Variants in UBE2L3 observed in about 807,000 individuals in gnomAD.
UBE2L3 encodes ubiquitin conjugating enzyme E2 L3.
A neutral mutation model predicts 17.8 loss-of-function variants in UBE2L3; 1 was observed. The ratio of observed to expected loss-of-function variants is 0.06; its 90% CI spans 0.02 to 0.27. The LOEUF is 0.27. Ranked by LOEUF, UBE2L3 falls within the 10% of genes least tolerant of loss-of-function variation. The pLI is 1.00. For synonymous variants in UBE2L3, 44 were observed against 68.5 expected (o/e 0.64, Z 1.76); for missense variants, 40 against 192.6 (o/e 0.21, Z 4.69).
intron 3 of UBE2L3, among the ~76,000 whole-genome samples, chr22:21,611,626 C>T (rs146183014): frequency 1.3e-5 from 2 of 152,284 alleles, no homozygotes; most frequent in African/African-American, 2.4e-5. Context: ...GTGCGTGGTG[C>T]ACATGTCTGT....
chr22:21,622,935 C>T lies in UBE2L3; in HGVS notation c.*1266C>T, dbSNP rs1930114407. The T allele has an allele frequency of 6.6e-6, 1 of 152,646 alleles. No homozygotes were observed. Among genetic ancestry groups the T allele is most frequent in the Admixed American group, 6.5e-5 (1 of 15,268 alleles). 9.5% of individuals were successfully genotyped at this position (152,646 alleles called of 1,614,324 possible). A position where few individuals can be genotyped will look rare whatever the true frequency, so the allele number is the denominator to read the frequency against. ...AATAAAAATTGACCTTAGAATTTATCGTCAGATAAACTTGTAAAGATTTGA... is the reference window on the plus strand; with the variant it reads ...AATAAAAATTGACCTTAGAATTTATTGTCAGATAAACTTGTAAAGATTTGA... On this transcript the variant is annotated 3_prime_UTR_variant, in exon 4 of 4. Coordinates refer to ENST00000342192, the MANE Select transcript of UBE2L3 (RefSeq NM_003347.4).
chr22:21,612,626 AT>A (rs1050225437), intron 3 of UBE2L3, among the ~76,000 whole-genome samples: 5 of 66,446 alleles, frequency 7.5e-5, no homozygotes, highest in Non-Finnish European at 1.6e-4. Context: ...CACCCAGCCG[AT>A]TTTTTCTTTT....
intron 3 of UBE2L3, among the ~76,000 whole-genome samples, chr22:21,620,947 A>C (rs1287817892): frequency 6.6e-6 from 1 of 152,184 alleles, no homozygotes; most frequent in Non-Finnish European, 1.5e-5. Context: ...CCCTGTGTGC[A>C]TGCATGAGAG....
intron 1 of UBE2L3, among the ~76,000 whole-genome samples, chr22:21,577,523 G>A (rs1049732816): frequency 1.3e-5 from 2 of 152,214 alleles, no homozygotes; most frequent in Non-Finnish European, 2.9e-5. Context: ...CTGTGTGAGG[G>A]ATCTTGGAAA....
At position 21,623,667 on chromosome 22, in the gene UBE2L3, C is replaced by T. The variant is rs1930163459; in HGVS notation, c.*1998C>T. 6.5e-6 allele frequency: 1 copy of T among 152,912 alleles called. No individual in the cohort carries two copies. Among genetic ancestry groups the T allele is most frequent in the Non-Finnish European group, 1.5e-5 (1 of 68,128 alleles). The allele number at this position is 152,912 out of a possible 1,614,324, so 9.5% of individuals were successfully genotyped here. On this transcript the variant is annotated 3_prime_UTR_variant, in exon 4 of 4. Coordinates refer to ENST00000342192, the MANE Select transcript of UBE2L3 (RefSeq NM_003347.4). ...CGGCAGCCCCTCAGGGACTCTCAGC[C>T]CTGGCACTGGCACCCCAGGGTTGGC...
At chr22:21,561,639 T>C (rs1222980803) in intron 1 of UBE2L3, among the ~76,000 whole-genome samples, 3 of 151,838 alleles carry the variant, frequency 2.0e-5, no homozygotes, top group African/African-American at 7.3e-5. Flanking sequence ...GGGAGCATGA[T>C]AAATTGAGTC....
intron 2 of UBE2L3, among the ~76,000 whole-genome samples, chr22:21,595,416 C>G (rs1928459444): frequency 6.6e-6 from 1 of 152,200 alleles, no homozygotes; most frequent in African/African-American, 2.4e-5. Flanking sequence ...GCATGGGAAT[C>G]TACTATACAA....
chr22:21,613,221 A>T (rs1428574987), intron 3 of UBE2L3, among the ~76,000 whole-genome samples: 2 of 152,134 alleles, frequency 1.3e-5, no homozygotes. Context: ...GCCACCTCTC[A>T]TGGGGCTGCT....
At chr22:21,567,713 C>T (rs1321715432), upstream of UBE2L3, 2 of 1,573,654 alleles carry the variant, frequency 1.3e-6, no homozygotes, top group African/African-American at 1.3e-5. Flanking sequence ...GGCCGCGATG[C>T]ATTCTGGGGA....
intron 3 of UBE2L3, among the ~76,000 whole-genome samples, chr22:21,617,748 A>G (rs1226884085): frequency 1.3e-5 from 2 of 152,232 alleles, no homozygotes; most frequent in Non-Finnish European, 2.9e-5. Context: ...AAAGCAGACA[A>G]TCTGTCAGGT....
chr22:21,620,548 T>A (rs988398462), intron 3 of UBE2L3, among the ~76,000 whole-genome samples: 1 of 151,986 alleles, frequency 6.6e-6, no homozygotes, highest in Non-Finnish European at 1.5e-5. Flanking sequence ...TGTGGCAAAG[T>A]ATGTGAGGAG....
At chr22:21,567,202 C>T (rs1926669729), upstream of UBE2L3, among the ~76,000 whole-genome samples, 1 of 152,020 alleles carries the variant, frequency 6.6e-6, no homozygotes, top group Non-Finnish European at 1.5e-5. Context: ...CTTCCTCTGT[C>T]ACCCAGGCTG....
At chr22:21,570,061 A>G (rs1435196571) in intron 1 of UBE2L3, among the ~76,000 whole-genome samples, 1 of 152,168 alleles carries the variant, frequency 6.6e-6, no homozygotes, top group Admixed American at 6.6e-5. Flanking sequence ...ATCCCCCTTC[A>G]GAATGTGTTG....
At chr22:21,605,295 G>A (rs1394375684) in intron 2 of UBE2L3, among the ~76,000 whole-genome samples, 2 of 152,120 alleles carry the variant, frequency 1.3e-5, no homozygotes, top group Non-Finnish European at 2.9e-5. Context: ...TTGGCTCACT[G>A]CAGCCGGTGC....
intron 1 of UBE2L3, among the ~76,000 whole-genome samples, chr22:21,556,639 T>C (rs1341788400): frequency 1.3e-5 from 2 of 151,386 alleles, no homozygotes; most frequent in Non-Finnish European, 2.9e-5. Flanking sequence ...ATTTTTTTTT[T>C]TTTGTAGAGA....
At position 21,623,651 on chromosome 22, in the gene UBE2L3, C is replaced by T. The variant is rs1704709075; in HGVS notation, c.*1982C>T. Reference sequence around the variant, plus strand: ...GAGGATACCTGTGTGCCGGCAGCCCCTCAGGGACTCTCAGCCCTGGCACTG... The same window carrying T: ...GAGGATACCTGTGTGCCGGCAGCCCTTCAGGGACTCTCAGCCCTGGCACTG... On this transcript the variant is annotated 3_prime_UTR_variant, in exon 4 of 4. Coordinates refer to ENST00000342192, the MANE Select transcript of UBE2L3 (RefSeq NM_003347.4). The T allele has an allele frequency of 6.5e-6, 1 of 152,932 alleles. No individual in the cohort carries two copies. The highest frequency in any genetic ancestry group is 2.1e-4 in the South Asian group (1 of 4,832). The allele number at this position is 152,932 out of a possible 1,614,324, so 9.5% of individuals were successfully genotyped here. A position where few individuals can be genotyped will look rare whatever the true frequency, so the allele number is the denominator to read the frequency against.
intron 2 of UBE2L3, among the ~76,000 whole-genome samples, chr22:21,597,208 G>A (rs1387353943): frequency 6.6e-6 from 1 of 152,106 alleles, no homozygotes; most frequent in Non-Finnish European, 1.5e-5. Context: ...TCGAACTCCT[G>A]ACCTCAAGTG....
intron 2 of UBE2L3, among the ~76,000 whole-genome samples, chr22:21,595,201 G>A (rs1928449353): frequency 6.6e-6 from 1 of 152,260 alleles, no homozygotes. Flanking sequence ...AGCCAGGGCT[G>A]CTCTTGTCCC....
chr22:21,554,630 T>C (rs1038262809), intron 1 of UBE2L3, among the ~76,000 whole-genome samples: 1 of 119,292 alleles, frequency 8.4e-6, no homozygotes, highest in Admixed American at 8.0e-5. Flanking sequence ...CTTGTCCCTA[T>C]TGCATCCCTG....
Sources: gnomAD v4.1 joint callset for allele counts (sites outside exome capture counted in the v4.1 genomes callset) on GRCh38, gnomAD v4.1.1 for gene constraint, MANE v1.5 for transcripts, NCBI Gene and HGNC (gene_info 2026-07-23, HGNC 2026-07-21) for gene names.